The following IPO9 variants were observed in gnomAD, a reference collection of about 807,000 sequenced individuals.
IPO9 encodes the protein importin-9.
In IPO9, 28 loss-of-function variants were observed where a neutral mutation model predicts 128.6. That is an observed-to-expected ratio of 0.22 (90% confidence interval 0.16 to 0.30). IPO9 has a LOEUF of 0.30. IPO9 is among the 10% of genes least tolerant of loss of function. IPO9 has a pLI of 1.00. For missense variants in IPO9, 935 were observed against 1,293.9 expected (o/e 0.72, Z 4.26); for synonymous variants, 455 against 475.8 (o/e 0.96, Z 0.57).
At chr1:201,840,384 T>A (rs1159410527) in intron 1 of IPO9, among the ~76,000 whole-genome samples, 6 of 152,188 alleles carry the variant, frequency 3.9e-5, no homozygotes, top group Non-Finnish European at 7.3e-5. Context: ...AAATTTTAAA[T>A]ATGATAACAC....
intron 11 of IPO9, among the ~76,000 whole-genome samples, 169 bp downstream of exon 11, chr1:201,857,363 T>C (rs533104488): frequency 5.3e-5 from 8 of 152,300 alleles, no homozygotes; most frequent in Non-Finnish European, 7.3e-5. Flanking sequence ...ACTCAGAAAT[T>C]CTAAAATCAT....
chr1:201,883,945 G>A lies in IPO9; in HGVS notation c.*7891G>A, dbSNP rs983470397. The A allele has an allele frequency of 1.4e-4, 21 of 152,246 alleles. No individual in the cohort carries two copies. Among genetic ancestry groups the A allele is most frequent in the African/African-American group, 4.6e-4 (19 of 41,458 alleles). 9.4% of individuals were successfully genotyped at this position (152,246 alleles called of 1,614,324 possible). A position where few individuals can be genotyped will look rare whatever the true frequency, so the allele number is the denominator to read the frequency against. ...CTTGAACAGGGAGAGAGACACAATGGATCAGAGTGTCTCTGCCAGTTCTAA... is the reference window on the plus strand; with the variant it reads ...CTTGAACAGGGAGAGAGACACAATGAATCAGAGTGTCTCTGCCAGTTCTAA... On this transcript the variant is annotated 3_prime_UTR_variant, in exon 24 of 24. Coordinates refer to ENST00000361565, the MANE Select transcript of IPO9 (RefSeq NM_018085.5).
rs2102880716 is a variant in IPO9, at chr1:201,858,325, G to T, written c.1222-122G>T. The T allele has an allele frequency of 1.2e-5, 6 of 507,390 alleles. 1 individual carries two copies. In the Admixed American group the frequency reaches 1.8e-4, roughly 15 times the overall value. 31.4% of individuals were successfully genotyped at this position (507,390 alleles called of 1,614,324 possible). On this transcript the variant is annotated intron_variant, in intron 11 of 23. Coordinates refer to ENST00000361565, the MANE Select transcript of IPO9 (RefSeq NM_018085.5). Reference sequence around the variant, plus strand: ...TATAACATTTTTAATACAATTAGGGGTTTGCACATGTATGTGAAAGAGCTT... The same window carrying T: ...TATAACATTTTTAATACAATTAGGGTTTTGCACATGTATGTGAAAGAGCTT...
chr1:201,865,407 C>T lies in IPO9; in HGVS notation c.1629-1326C>T, dbSNP rs559237206. ...ATTTTTAGTAGAGACAGGGTTTTTC[C>T]ATGTTGGTCAGGCTGGTTTCAAACT... On this transcript the variant is annotated intron_variant, in intron 14 of 23. Transcript: ENST00000361565. Among the ~76,000 whole-genome samples the T allele has an allele frequency of 8.5e-5, 13 of 152,068 alleles. No individual in the cohort carries two copies. In the South Asian group the frequency reaches 2.5e-3, roughly 29 times the overall value.
intron 1 of IPO9, among the ~76,000 whole-genome samples, chr1:201,833,308 G>A (rs558926316): frequency 1.3e-5 from 2 of 150,934 alleles, no homozygotes; most frequent in South Asian, 2.1e-4. Flanking sequence ...GCATGATCTC[G>A]GCTCACTGCA....
Position 201,875,240 on chromosome 1 carries a change from C to T in IPO9, c.3015+12C>T. Reference sequence around the variant, plus strand: ...AGATTGATCTGCAGGTGAGGGTGTCCAGAGATATCTTGCAAATGACAATGT... The same window carrying T: ...AGATTGATCTGCAGGTGAGGGTGTCTAGAGATATCTTGCAAATGACAATGT... On this transcript the variant is annotated intron_variant, in intron 23 of 23. Transcript: ENST00000361565. The T allele has an allele frequency of 1.9e-6, 3 of 1,608,704 alleles. No homozygotes were observed. The highest frequency in any genetic ancestry group is 2.6e-6 in the Non-Finnish European group (3 of 1,175,022).
chr1:201,873,444 CAAAA>C (rs571580169), intron 20 of IPO9, among the ~76,000 whole-genome samples: 1 of 58,230 alleles, frequency 1.7e-5, no homozygotes, highest in Non-Finnish European at 3.2e-5. Flanking sequence ...GACTCCGTCT[CAAAA>C]AAAAAAAAAA....
chr1:201,878,446 A>C lies in IPO9; in HGVS notation c.*2392A>C, dbSNP rs1157075463. On this transcript the variant is annotated 3_prime_UTR_variant, in exon 24 of 24. Coordinates refer to ENST00000361565, the MANE Select transcript of IPO9 (RefSeq NM_018085.5). ...GGGGGTCCCTCTGCGTCTGCTAATT[A>C]GACAAACATTCTATATCTAGTGCCA... The C allele has an allele frequency of 2.0e-5, 3 of 152,740 alleles. No homozygotes were observed. In the East Asian group the frequency reaches 5.8e-4, roughly 29 times the overall value. 9.5% of individuals were successfully genotyped at this position (152,740 alleles called of 1,614,324 possible).
chr1:201,855,022 CT>C, intron 8 of IPO9, 99 bp downstream of exon 8: 1 of 1,317,626 alleles, frequency 7.6e-7, no homozygotes, highest in Non-Finnish European at 1.1e-6. Flanking sequence ...CTTACACAGG[CT>C]TTTTTAAGGT....
chr1:201,835,431 T>C (rs1477407767), intron 1 of IPO9, among the ~76,000 whole-genome samples: 1 of 152,154 alleles, frequency 6.6e-6, no homozygotes, highest in African/African-American at 2.4e-5. Context: ...GACTAGAGAA[T>C]GAAAGAGGGC....
chr1:201,863,233 TCCCA>T, intron 13 of IPO9: 1 of 293,598 alleles, frequency 3.4e-6, no homozygotes. Flanking sequence ...GCGCCTGTGA[TCCCA>T]ACTACTCAGG....
At chr1:201,862,317 G>T (rs1680464699) in intron 13 of IPO9, among the ~76,000 whole-genome samples, 2 of 151,832 alleles carry the variant, frequency 1.3e-5, no homozygotes, top group African/African-American at 4.8e-5. Flanking sequence ...AATTAGCCAG[G>T]CGTGGTGGTA....
Position 201,866,788 on chromosome 1 carries a change from C to T in IPO9, c.1684C>T (p.Pro562Ser). 6.2e-7 allele frequency: 1 copy of T among 1,614,116 alleles called. No individual in the cohort carries two copies. Among genetic ancestry groups the T allele is most frequent in the Non-Finnish European group, 8.5e-7 (1 of 1,180,024 alleles). ...ESTHVLQPFLPSILDGLIHLA... is the reference protein window; with the variant it reads ...ESTHVLQPFLSSILDGLIHLA... ...TACCCACGTGCTCCAGCCCTTCCTC[C>T]CCAGCATCCTTGATGGCTTAATTCA... is the stretch of plus-strand genomic sequence containing the variant. The change falls in exon 15 of 24, where the codon CCC becomes TCC. Residue 562 changes from proline to serine, a missense_variant. Coordinates refer to ENST00000361565, the MANE Select transcript of IPO9 (RefSeq NM_018085.5).
In IPO9 at chr1:201,871,339, T is replaced by A. The variant is rs766862679; in HGVS notation, c.2576+12T>A. 3.6e-6 allele frequency: 5 copies of A among 1,393,886 alleles called. No individual in the cohort carries two copies. In the East Asian group the frequency reaches 1.3e-4, roughly 35 times the overall value. 86.3% of individuals were successfully genotyped at this position (1,393,886 alleles called of 1,614,324 possible). Reference sequence around the variant, plus strand: ...GAAGGCAAAGTCAGGTAGAACCTCATCTTTCTTTTCTGGGCATTCTGCCAC... The same window carrying A: ...GAAGGCAAAGTCAGGTAGAACCTCAACTTTCTTTTCTGGGCATTCTGCCAC... On this transcript the variant is annotated intron_variant, in intron 19 of 23. Coordinates refer to ENST00000361565, the MANE Select transcript of IPO9 (RefSeq NM_018085.5).
At chr1:201,871,005 T>C in intron 18 of IPO9, 147 bp downstream of exon 18, 1 of 1,291,268 alleles carries the variant, frequency 7.7e-7, no homozygotes, top group Non-Finnish European at 1.1e-6. Flanking sequence ...CTGTTTGGCC[T>C]AAGAAACATG....
chr1:201,876,406 A>T lies in IPO9; in HGVS notation c.*352A>T, dbSNP rs1033463901. 7.7e-6 allele frequency: 3 copies of T among 389,772 alleles called. No homozygotes were observed. Among genetic ancestry groups the T allele is most frequent in the African/African-American group, 6.2e-5 (3 of 48,294 alleles). The allele number at this position is 389,772 out of a possible 1,614,324, so 24.1% of individuals were successfully genotyped here. On this transcript the variant is annotated 3_prime_UTR_variant, in exon 24 of 24. Coordinates refer to ENST00000361565, the MANE Select transcript of IPO9 (RefSeq NM_018085.5). ...TTTATGGATTATTTTGCCCCGCCTC[A>T]GGAGCGCAGGAAGTCACTACCATTT...
At chr1:201,862,806 CAAAAA>C (rs545253856) in intron 13 of IPO9, among the ~76,000 whole-genome samples, 2 of 69,866 alleles carry the variant, frequency 2.9e-5, no homozygotes, top group Non-Finnish European at 6.3e-5. Context: ...AACTTCATCT[CAAAAA>C]AAAAAAAAAA....
intron 1 of IPO9, among the ~76,000 whole-genome samples, chr1:201,835,226 A>G (rs942330531): frequency 1.4e-4 from 21 of 152,230 alleles, no homozygotes; most frequent in African/African-American, 4.6e-4. Context: ...AAGTACTGCC[A>G]AGTCTTGTCT....
At chr1:201,866,712 T>G in intron 14 of IPO9, 21 bp from the exon 15 acceptor site, 1 of 1,566,430 alleles carries the variant, frequency 6.4e-7, no homozygotes, top group Non-Finnish European at 8.8e-7. Context: ...TAATAATTCT[T>G]GCTTATCTAT....
Sources: gnomAD v4.1 joint callset for allele counts (sites outside exome capture counted in the v4.1 genomes callset) on GRCh38, gnomAD v4.1.1 for gene constraint, MANE v1.5 for transcripts, NCBI Gene and HGNC (gene_info 2026-07-23, HGNC 2026-07-21) for gene names.